KCNAB1: variants seen among roughly 807,000 people sequenced by gnomAD.
KCNAB1 encodes the protein voltage-gated potassium channel subunit beta-1.
KCNAB1 carries 35 observed loss-of-function variants against 64.6 expected under a neutral mutation model. The observed-to-expected ratio is 0.54, with a 90% CI of 0.41 to 0.72. KCNAB1 has a LOEUF of 0.72. KCNAB1 is among the 30% of genes least tolerant of loss of function. The pLI is 0.00. For synonymous variants in KCNAB1, 177 were observed against 183.8 expected, an observed-to-expected ratio of 0.96 and a Z score of 0.30; for missense variants, 401 against 512.9, an observed-to-expected ratio of 0.78 and a Z score of 2.11.
At chr3:156,308,864 A>G (rs932758748) in intron 1 of KCNAB1, among the ~76,000 whole-genome samples, 36 of 152,238 alleles carry the variant, frequency 2.4e-4, no homozygotes, top group African/African-American at 7.7e-4. Flanking sequence ...TGGATGGTGC[A>G]TTTTTCAACT....
intron 1 of KCNAB1, among the ~76,000 whole-genome samples, chr3:156,385,613 A>G (rs1258129791): frequency 6.6e-6 from 1 of 152,354 alleles, no homozygotes; most frequent in East Asian, 1.9e-4. Context: ...AATAAATTAT[A>G]CTAAGAGAAA....
chr3:156,210,205 G>T (rs1451020772), intron 1 of KCNAB1, among the ~76,000 whole-genome samples: 1 of 152,188 alleles, frequency 6.6e-6, no homozygotes. Flanking sequence ...GAATGCCTCT[G>T]CCTCCCCTTG....
chr3:156,398,279 T>C (rs139404173), intron 1 of KCNAB1, among the ~76,000 whole-genome samples: 57 of 152,184 alleles, frequency 3.7e-4, no homozygotes, highest in Admixed American at 2.0e-3. Flanking sequence ...AAATACCTAA[T>C]GCATGCAGAG....
intron 1 of KCNAB1, among the ~76,000 whole-genome samples, chr3:156,150,974 C>T (rs1464562509): frequency 6.6e-6 from 1 of 152,088 alleles, no homozygotes; most frequent in Non-Finnish European, 1.5e-5. Flanking sequence ...TGAGCTACAC[C>T]ACAGACCTCT....
intron 2 of KCNAB1, among the ~76,000 whole-genome samples, chr3:156,432,864 G>C (rs1248910699): frequency 6.6e-6 from 1 of 152,176 alleles, no homozygotes; most frequent in African/African-American, 2.4e-5. Flanking sequence ...GTCTGACTTC[G>C]TTACCTAACC....
At chr3:156,184,438 A>G (rs990010828) in intron 1 of KCNAB1, among the ~76,000 whole-genome samples, 2 of 152,186 alleles carry the variant, frequency 1.3e-5, no homozygotes, top group African/African-American at 4.8e-5. Context: ...TAGAGCTCTC[A>G]GGGCTGGGAG....
intron 1 of KCNAB1, among the ~76,000 whole-genome samples, chr3:156,152,890 CGTT>C (rs143477810): frequency 2.0e-5 from 3 of 152,328 alleles, no homozygotes; most frequent in African/African-American, 7.2e-5. Context: ...GGTTAACTCT[CGTT>C]GTAACTTCTT....
At position 156,165,525 on chromosome 3, in the gene KCNAB1, T is replaced by C. The variant is rs1711524069; in HGVS notation, c.275+44639T>C. 2.0e-5 allele frequency among the ~76,000 whole-genome samples: 3 copies of C among 152,232 alleles called. No homozygotes were observed. In the South Asian group the frequency reaches 6.2e-4, roughly 32 times the overall value. Reference sequence around the variant, plus strand: ...CTTAGGTGAACAAAGCAGAGGAGACTGAAGAAGGGAGCAGTCTCCACAATC... The same window carrying C: ...CTTAGGTGAACAAAGCAGAGGAGACCGAAGAAGGGAGCAGTCTCCACAATC... On this transcript the variant is annotated intron_variant, in intron 1 of 13. Transcript: ENST00000490337.
At chr3:156,178,406 C>T (rs1712539242) in intron 1 of KCNAB1, among the ~76,000 whole-genome samples, 1 of 152,206 alleles carries the variant, frequency 6.6e-6, no homozygotes, top group Admixed American at 6.5e-5. Context: ...AGAAGACACT[C>T]CTTCTACCCC....
At position 156,254,669 on chromosome 3, in the gene KCNAB1, G is replaced by A. The variant is rs544551641; in HGVS notation, c.275+133783G>A. 9.5e-4 allele frequency among the ~76,000 whole-genome samples: 145 copies of A among 152,268 alleles called. 3 individuals are homozygous for A. In the South Asian group the frequency reaches 0.026, roughly 27 times the overall value. On this transcript the variant is annotated intron_variant, in intron 1 of 13. Coordinates refer to ENST00000490337, the MANE Select transcript of KCNAB1 (RefSeq NM_172160.3). ...CTCACAGTAGAAAATGTGACCTTTC[G>A]TTCTGTTTTATTTTCTTAACTGAGC...
chr3:156,331,151 G>A (rs535186242), intron 1 of KCNAB1, among the ~76,000 whole-genome samples: 3 of 152,252 alleles, frequency 2.0e-5, no homozygotes, highest in Admixed American at 2.0e-4. Context: ...CCCTTGAAGT[G>A]ACTGACTGGC....
intron 1 of KCNAB1, among the ~76,000 whole-genome samples, chr3:156,179,361 A>C (rs1015496423): frequency 6.6e-6 from 1 of 152,048 alleles, no homozygotes; most frequent in Non-Finnish European, 1.5e-5. Context: ...GGGATATAAA[A>C]TTTTATAAAA....
chr3:156,420,157 G>A (rs951060853), intron 1 of KCNAB1, among the ~76,000 whole-genome samples: 3 of 152,182 alleles, frequency 2.0e-5, no homozygotes, highest in African/African-American at 7.2e-5. Context: ...ACCAGAAATC[G>A]CTATGCCTTG....
chr3:156,430,690 C>T (rs556395892), intron 2 of KCNAB1, among the ~76,000 whole-genome samples: 3 of 152,178 alleles, frequency 2.0e-5, no homozygotes, highest in Non-Finnish European at 4.4e-5. Flanking sequence ...CCACTAGCAG[C>T]CTCGTCCCTT....
intron 1 of KCNAB1, among the ~76,000 whole-genome samples, chr3:156,185,119 A>T (rs1470376763): frequency 1.3e-5 from 2 of 152,178 alleles, no homozygotes; most frequent in East Asian, 1.9e-4. Flanking sequence ...AGGCCTTTCC[A>T]CTATTTCCCA....
At chr3:156,221,780 C>A (rs1343223578) in intron 1 of KCNAB1, among the ~76,000 whole-genome samples, 1 of 147,688 alleles carries the variant, frequency 6.8e-6, no homozygotes, top group East Asian at 2.1e-4. Context: ...CTCCATCCCC[C>A]CCCGCCAAAA....
chr3:156,352,454 G>C (rs1370814727), intron 1 of KCNAB1, among the ~76,000 whole-genome samples: 1 of 152,200 alleles, frequency 6.6e-6, no homozygotes, highest in Non-Finnish European at 1.5e-5. Context: ...CAGAGCCTCA[G>C]TGAATATGCC....
intron 10 of KCNAB1, among the ~76,000 whole-genome samples, chr3:156,515,560 A>G (rs1442853765): frequency 2.0e-5 from 3 of 152,178 alleles, no homozygotes; most frequent in Non-Finnish European, 4.4e-5. Flanking sequence ...CGAGTAAACA[A>G]TGACTACCTT....
At chr3:156,428,488 T>TACACACACAC (rs4056995) in intron 2 of KCNAB1, among the ~76,000 whole-genome samples, 5,781 of 127,452 alleles carry the variant, frequency 0.045, 145 homozygotes, top group African/African-American at 0.069. Context: ...AATTCCTCTA[T>TACACACACAC]ACACACACAC....
Sources: allele counts gnomAD v4.1 joint callset (sites outside exome capture counted in the v4.1 genomes callset), GRCh38; gene constraint gnomAD v4.1.1; transcripts MANE v1.5; gene names NCBI Gene and HGNC (gene_info 2026-07-23, HGNC 2026-07-21).